PPP1R36: variants seen among roughly 807,000 people sequenced by gnomAD.
The protein encoded by PPP1R36 is chromosome 14 open reading frame 50.
Under a neutral mutation model 53.4 loss-of-function variants are expected in PPP1R36, and 47 were observed. The observed-to-expected ratio is 0.88, with a 90% CI of 0.70 to 1.12. The LOEUF is 1.12. Among genes scored for constraint, PPP1R36 ranks in the 50% most tolerant of loss-of-function variants. PPP1R36 has a pLI of 0.00. For missense variants in PPP1R36, 456 were observed against 513.9 expected (o/e 0.89, Z 1.09); for synonymous variants, 153 against 170.5 (o/e 0.90, Z 0.80).
intron 8 of PPP1R36, among the ~76,000 whole-genome samples, chr14:64,584,110 C>T (rs1002583313): frequency 6.6e-6 from 1 of 152,024 alleles, no homozygotes; most frequent in African/African-American, 2.4e-5. Context: ...CCATGTTGGC[C>T]AGGCTGGTCT....
chr14:64,587,844 A>T (rs2080448275), intron 10 of PPP1R36, among the ~76,000 whole-genome samples: 1 of 151,808 alleles, frequency 6.6e-6, no homozygotes, highest in Admixed American at 6.6e-5. Flanking sequence ...CTGCAGCCTC[A>T]ACCTCCCAGG....
intron 3 of PPP1R36, among the ~76,000 whole-genome samples, chr14:64,564,280 G>A (rs1257979163): frequency 3.9e-5 from 6 of 152,254 alleles, no homozygotes; most frequent in Non-Finnish European, 5.9e-5. Flanking sequence ...CCTGGGCACC[G>A]CTCATGACTT....
At position 64,552,808 on chromosome 14, in the gene PPP1R36, T is replaced by C; in HGVS notation, c.135-6T>C. On this transcript the variant is annotated splice_region_variant and splice_polypyrimidine_tract_variant and intron_variant, in intron 2 of 11. Transcript: ENST00000298705. ...TCAAAGCAGTAATTTCAGTTTTCTT[T>C]CTCAGGTTTGCCGCAGAAGATTCTG... 1 of 1,613,446 alleles carries C rather than the reference T, an allele frequency of 6.2e-7. No homozygotes were observed. Among genetic ancestry groups the C allele is most frequent in the Non-Finnish European group, 8.5e-7 (1 of 1,179,396 alleles).
chr14:64,585,272 T>G (rs1277154665), intron 8 of PPP1R36, among the ~76,000 whole-genome samples: 1 of 152,034 alleles, frequency 6.6e-6, no homozygotes, highest in African/African-American at 2.4e-5. Flanking sequence ...TCCCATCACT[T>G]TGGGAGGGTG....
intron 3 of PPP1R36, among the ~76,000 whole-genome samples, chr14:64,560,767 G>A (rs1456382979): frequency 1.3e-5 from 2 of 152,194 alleles, no homozygotes; most frequent in Non-Finnish European, 2.9e-5. Flanking sequence ...GGGGGAATGT[G>A]TTTATTTTGG....
chr14:64,556,698 G>T (rs1027669959), intron 3 of PPP1R36, among the ~76,000 whole-genome samples: 2 of 149,688 alleles, frequency 1.3e-5, no homozygotes, highest in Admixed American at 1.3e-4. Flanking sequence ...TGAGGCTGTG[G>T]TGAGTCATGA....
At chr14:64,552,728 A>T (rs2080105683) in intron 2 of PPP1R36, 86 bp from the exon 3 acceptor site, 1 of 1,059,652 alleles carries the variant, frequency 9.4e-7, no homozygotes, top group Admixed American at 2.0e-5. Flanking sequence ...AGTCAAAATC[A>T]AAAGTTTACA....
Position 64,550,038 on chromosome 14 carries a change from T to C in PPP1R36, c.41T>C (p.Leu14Ser), listed in dbSNP as rs777907316. 2 of 1,573,442 alleles carry C rather than the reference T, an allele frequency of 1.3e-6. No individual in the cohort carries two copies. Among genetic ancestry groups the C allele is most frequent in the South Asian group, 2.3e-5 (2 of 85,584 alleles). Residue 14 changes from leucine (L) to serine (S), a missense_variant, in exon 1 of 12, where the codon TTA (leucine) becomes TCA (serine). Coordinates refer to ENST00000298705, the MANE Select transcript of PPP1R36 (RefSeq NM_172365.3). ...GAGTTTTATGCGAGGAGGAAGCGGT[T>C]AGGTGGGCAGACCCCTTACTTGATG... The part of the protein sequence containing the change: ...VPEFYARRKR[L>S]GGQTPYLMDQ...
intron 8 of PPP1R36, 92 bp from the exon 9 acceptor site, chr14:64,586,745 T>C: frequency 6.0e-6 from 5 of 827,108 alleles, no homozygotes; most frequent in Non-Finnish European, 9.8e-6. Flanking sequence ...GGGGCCAAGA[T>C]AATGACCCTA....
rs753014298 is a variant in PPP1R36, at chr14:64,589,260, AAACAAT to A, written c.1196_1201del (p.Asn399_Asn400del). 2 of 1,614,052 alleles carry A rather than the reference AAACAAT, an allele frequency of 1.2e-6. No individual in the cohort carries two copies. Among genetic ancestry groups the A allele is most frequent in the Admixed American group, 1.7e-5 (1 of 60,020 alleles). ...TTGGGAGATATCCTTCCTTGATGGAAAACAATAACATGAGGATTCAGGATACACTGG... is the reference window on the plus strand; with the variant it reads ...TTGGGAGATATCCTTCCTTGATGGAAAACATGAGGATTCAGGATACACTGG... On this transcript the variant is annotated inframe_deletion, in exon 12 of 12. Transcript: ENST00000298705.
At chr14:64,575,270 T>C (rs2080333236) in intron 8 of PPP1R36, among the ~76,000 whole-genome samples, 1 of 152,230 alleles carries the variant, frequency 6.6e-6, no homozygotes, top group African/African-American at 2.4e-5. Context: ...ACCTAGTACA[T>C]GATGTGTCTC....
At chr14:64,550,391 T>A (rs11620680) in intron 1 of PPP1R36, 51,803 of 711,178 alleles carry the variant, frequency 0.073, 2,138 homozygotes, top group Non-Finnish European at 0.082. Context: ...ATAGAAAGGC[T>A]GGTGGGTGCT....
intron 2 of PPP1R36, 110 bp from the exon 3 acceptor site, chr14:64,552,704 T>C (rs767685424): frequency 1.3e-6 from 1 of 778,252 alleles, no homozygotes; most frequent in Non-Finnish European, 2.2e-6. Flanking sequence ...TTCAAAGGCT[T>C]AACATTTTAT....
At chr14:64,576,351 G>A (rs996652220) in intron 8 of PPP1R36, among the ~76,000 whole-genome samples, 11 of 152,116 alleles carry the variant, frequency 7.2e-5, no homozygotes, top group African/African-American at 2.7e-4. Context: ...AAAGTGCTGG[G>A]ATTACGGGCA....
intron 3 of PPP1R36, chr14:64,561,719 AG>A: frequency 2.2e-6 from 1 of 454,742 alleles, no homozygotes; most frequent in Admixed American, 2.4e-5. Context: ...GGCATCATCT[AG>A]GTTGGCCCAT....
At chr14:64,558,298 G>A (rs1026055203) in intron 3 of PPP1R36, among the ~76,000 whole-genome samples, 2 of 152,184 alleles carry the variant, frequency 1.3e-5, no homozygotes, top group African/African-American at 4.8e-5. Flanking sequence ...AGAGTACTCA[G>A]CTGGGTGTGG....
Position 64,587,293 on chromosome 14 carries a change from AT to A in PPP1R36, c.812del (p.Met271SerfsTer21). ...AGTAGGGAGACTCTTTCGTACCAAT[AT>A]GTTCAACATTCCTCGCAGGAGGCGT... Reference protein sequence around the residue: ...EEVGRLFRTNMFNIPRRRRED... With the variant: ...EEVGRLFRTNXFNIPRRRRED... On this transcript the variant is annotated frameshift_variant, in exon 10 of 12. Transcript: ENST00000298705. LOFTEE classifies it high-confidence loss of function. 1 of 1,613,814 alleles carries A rather than the reference AT, an allele frequency of 6.2e-7. No homozygotes were observed. Among genetic ancestry groups the A allele is most frequent in the East Asian group, 2.2e-5 (1 of 44,886 alleles).
intron 3 of PPP1R36, among the ~76,000 whole-genome samples, chr14:64,556,815 T>C (rs924758548): frequency 6.7e-6 from 1 of 148,246 alleles, no homozygotes; most frequent in African/African-American, 2.5e-5. Context: ...AAACTTTTTA[T>C]GTTATTTTAG....
chr14:64,566,143 C>G (rs1308960245), intron 6 of PPP1R36, among the ~76,000 whole-genome samples: 1 of 152,110 alleles, frequency 6.6e-6, no homozygotes, highest in Non-Finnish European at 1.5e-5. Flanking sequence ...TGGTGGGCGC[C>G]TGTAATCCCA....
Sources: allele counts gnomAD v4.1 joint callset (sites outside exome capture counted in the v4.1 genomes callset), GRCh38; gene constraint gnomAD v4.1.1; transcripts MANE v1.5; gene names NCBI Gene and HGNC (gene_info 2026-07-23, HGNC 2026-07-21).